Variants in GMDS observed in about 807,000 individuals in gnomAD.
GMDS encodes the protein GDP-mannose 4,6-dehydratase.
Under a neutral mutation model 49.9 loss-of-function variants are expected in GMDS, and 20 were observed. The observed-to-expected ratio is 0.40, with a 90% CI of 0.28 to 0.58. The LOEUF (loss-of-function observed/expected upper bound fraction) is 0.58, where lower values mean the gene tolerates loss of function less well. GMDS is among the 20% of genes least tolerant of loss of function. The probability of loss-of-function intolerance (pLI) is 0.42; values close to 1 mark genes in which losing one functional copy is unlikely to be tolerated. For synonymous variants in GMDS, 177 were observed against 178.6 expected (o/e 0.99, Z 0.07); for missense variants, 362 against 481.4 (o/e 0.75, Z 2.32).
chr6:2,009,341 T>C (rs1468336006), intron 4 of GMDS, among the ~76,000 whole-genome samples: 2 of 152,156 alleles, frequency 1.3e-5, no homozygotes, highest in Admixed American at 6.5e-5. Context: ...CCATACTACA[T>C]CTATGATATC....
chr6:1,941,577 G>C (rs931080669), intron 6 of GMDS, among the ~76,000 whole-genome samples: 9 of 152,194 alleles, frequency 5.9e-5, no homozygotes, highest in Admixed American at 5.2e-4. Context: ...AAGAATGGGG[G>C]TGAGATTTCG....
At chr6:2,101,962 G>A (rs770200422) in intron 4 of GMDS, among the ~76,000 whole-genome samples, 38 of 152,166 alleles carry the variant, frequency 2.5e-4, no homozygotes, top group East Asian at 2.1e-3. Flanking sequence ...AACAGTGTGC[G>A]CTCTAGTTTA....
At position 2,181,297 on chromosome 6, in the gene GMDS, C is replaced by T. The variant is rs145032409; in HGVS notation, c.103-56566G>A. On this transcript the variant is annotated intron_variant, in intron 1 of 10. Transcript: ENST00000380815. ...CTCAATTCCTAATTCCCACCTACCT[C>T]TCTCCTCAAAAAGTGTCTCTGCTCG... is the stretch of plus-strand genomic sequence containing the variant. 1.3e-3 allele frequency among the ~76,000 whole-genome samples: 191 copies of T among 152,134 alleles called. 2 individuals carry two copies. The Middle Eastern group carries it at 0.02, about 16-fold the overall frequency.
intron 2 of GMDS, among the ~76,000 whole-genome samples, chr6:2,120,983 T>C (rs1775108022): frequency 6.6e-6 from 1 of 152,214 alleles, no homozygotes; most frequent in Non-Finnish European, 1.5e-5. Context: ...TTGGGCTAAG[T>C]ATTTTCCATA....
intron 7 of GMDS, among the ~76,000 whole-genome samples, chr6:1,892,990 G>A (rs532703788): frequency 2.6e-5 from 4 of 152,188 alleles, no homozygotes; most frequent in East Asian, 1.9e-4. Context: ...TATCAGTCCC[G>A]TAATTAAGCC....
In GMDS at chr6:2,061,026, A is replaced by G. The variant is rs934223111; in HGVS notation, c.345+54745T>C. On this transcript the variant is annotated intron_variant, in intron 4 of 10. Coordinates refer to ENST00000380815, the MANE Select transcript of GMDS (RefSeq NM_001500.4). ...AAGACTCCATCTAAAAAAACAAAAA[A>G]AAAAAAGAAAGGGAAAGGGAAAGAA... Among the ~76,000 whole-genome samples, 344 of 151,870 alleles carry G rather than the reference A, an allele frequency of 2.3e-3. 4 individuals carry two copies. Among genetic ancestry groups the G allele is most frequent in the African/African-American group, 7.6e-3 (313 of 41,228 alleles).
chr6:2,083,165 T>C (rs1772812307), intron 4 of GMDS, among the ~76,000 whole-genome samples: 1 of 152,230 alleles, frequency 6.6e-6, no homozygotes, highest in African/African-American at 2.4e-5. Flanking sequence ...AACACGGCAC[T>C]GTGGCTTTTA....
intron 1 of GMDS, among the ~76,000 whole-genome samples, chr6:2,126,271 T>C (rs1253796988): frequency 2.0e-5 from 3 of 152,128 alleles, no homozygotes; most frequent in Admixed American, 2.0e-4. Flanking sequence ...TCCCCATCCA[T>C]CTCATTCAGA....
rs199803570 is a variant in GMDS, at chr6:2,165,946, A to AT, written c.103-41216dup. On this transcript the variant is annotated intron_variant, in intron 1 of 10. Transcript: ENST00000380815. ...ACTTGACAAAGGTAAAAAAATAAAG[A>AT]TAAAAAAAAGAATCAAGGCAAATAT... Among the ~76,000 whole-genome samples, 569 of 152,322 alleles carry AT rather than the reference A, an allele frequency of 3.7e-3. 4 individuals carry two copies. The highest frequency in any genetic ancestry group is 0.013 in the African/African-American group (535 of 41,580).
chr6:1,967,691 T>C (rs1193481222), intron 4 of GMDS, among the ~76,000 whole-genome samples: 1 of 152,190 alleles, frequency 6.6e-6, no homozygotes, highest in African/African-American at 2.4e-5. Context: ...TGGGATATCA[T>C]TCTTAAGGCG....
chr6:2,200,204 T>C (rs1225249346), intron 1 of GMDS, among the ~76,000 whole-genome samples: 1 of 152,042 alleles, frequency 6.6e-6, no homozygotes, highest in African/African-American at 2.4e-5. Context: ...GAGAAACAAA[T>C]ACATGTGCCA....
intron 4 of GMDS, among the ~76,000 whole-genome samples, chr6:2,051,886 A>T (rs1473776317): frequency 7.2e-5 from 11 of 152,176 alleles, no homozygotes; most frequent in African/African-American, 2.6e-4. Context: ...TGGGAGGCCT[A>T]GGCGGGCAGA....
Position 2,146,241 on chromosome 6 carries a change from ACAGT to A in GMDS, c.103-21514_103-21511del. ...TTGGTAAAACCACTTTACAAGATCA[ACAGT>A]CATTTATTTTCCAATGTTGAAGTTG... is the stretch of plus-strand genomic sequence containing the variant. On this transcript the variant is annotated intron_variant, in intron 1 of 10. Transcript: ENST00000380815. Among the ~76,000 whole-genome samples the A allele has an allele frequency of 2.6e-5, 4 of 152,322 alleles. No homozygotes were observed. In the East Asian group the frequency reaches 7.7e-4, roughly 29 times the overall value.
chr6:1,775,291 T>C (rs567835706), intron 7 of GMDS, among the ~76,000 whole-genome samples: 7 of 152,320 alleles, frequency 4.6e-5, no homozygotes, highest in African/African-American at 1.7e-4. Flanking sequence ...GCCAAAACGA[T>C]GCAAATATTA....
intron 1 of GMDS, among the ~76,000 whole-genome samples, chr6:2,197,386 G>A (rs985526087): frequency 3.3e-5 from 5 of 152,210 alleles, no homozygotes; most frequent in Non-Finnish European, 7.3e-5. Flanking sequence ...GTTTCCTGAG[G>A]AAGGTAGATA....
chr6:2,132,740 C>T (rs1775803914), intron 1 of GMDS, among the ~76,000 whole-genome samples: 1 of 152,146 alleles, frequency 6.6e-6, no homozygotes, highest in Non-Finnish European at 1.5e-5. Context: ...ACAGGAAATA[C>T]AAGAAGAATA....
chr6:2,237,409 G>A (rs560995356), intron 1 of GMDS, among the ~76,000 whole-genome samples: 18 of 152,058 alleles, frequency 1.2e-4, no homozygotes, highest in Non-Finnish European at 2.6e-4. Flanking sequence ...GCTTATACAG[G>A]AATGGTTAAT....
intron 1 of GMDS, among the ~76,000 whole-genome samples, chr6:2,236,313 C>A (rs1002200523): frequency 6.6e-6 from 1 of 152,174 alleles, no homozygotes; most frequent in Admixed American, 6.5e-5. Flanking sequence ...GCCTGCTGAC[C>A]CAGGAGTGCT....
At chr6:1,896,794 A>T (rs1220725219) in intron 7 of GMDS, among the ~76,000 whole-genome samples, 1 of 152,208 alleles carries the variant, frequency 6.6e-6, no homozygotes, top group African/African-American at 2.4e-5. Flanking sequence ...AGTGCCATCA[A>T]GCGTCTACAC....
Sources: allele counts gnomAD v4.1 joint callset (sites outside exome capture counted in the v4.1 genomes callset), GRCh38; gene constraint gnomAD v4.1.1; transcripts MANE v1.5; gene names NCBI Gene and HGNC (gene_info 2026-07-23, HGNC 2026-07-21).